MORC1: variants seen among roughly 807,000 people sequenced by gnomAD.
MORC1 encodes MORC family CW-type zinc finger 1, also known as MORC family CW-type zinc finger protein 1.
MORC1 carries 59 observed loss-of-function variants against 134.9 expected under a neutral mutation model. That is an observed-to-expected ratio of 0.44 (90% CI 0.35 to 0.54). The LOEUF (loss-of-function observed/expected upper bound fraction) is 0.54, where lower values mean the gene tolerates loss of function less well. MORC1 is among the 20% of genes least tolerant of loss of function. The pLI is 0.00. For synonymous variants in MORC1, 395 were observed against 391.7 expected (o/e 1.01, Z -0.10); for missense variants, 947 against 1,134.5 (o/e 0.83, Z 2.37).
chr3:109,000,750 T>C (rs1009717265), intron 20 of MORC1, 92 bp from the exon 21 acceptor site: 1 of 902,216 alleles, frequency 1.1e-6, no homozygotes, highest in African/African-American at 1.7e-5. Flanking sequence ...TGCCTCTACT[T>C]ACTGCAGACT....
intron 26 of MORC1, 54 bp from the exon 27 acceptor site, chr3:108,963,662 C>G: frequency 1.7e-6 from 2 of 1,147,954 alleles, no homozygotes; most frequent in Non-Finnish European, 2.4e-6. Context: ...TACTTTCCCT[C>G]TAATATCACT....
At chr3:109,115,912 G>T (rs1951262542) in intron 1 of MORC1, among the ~76,000 whole-genome samples, 1 of 152,152 alleles carries the variant, frequency 6.6e-6, no homozygotes. Context: ...TGGTGGTAGG[G>T]AAAGCACCTC....
intron 17 of MORC1, among the ~76,000 whole-genome samples, chr3:109,016,655 G>C (rs1213056813): frequency 2.0e-5 from 3 of 152,134 alleles, no homozygotes; most frequent in African/African-American, 7.2e-5. Context: ...TTGAGGTCAG[G>C]AGTTCAAGAC....
In MORC1 at chr3:109,099,164, T is replaced by C. The variant is rs146102421; in HGVS notation, c.423+194A>G. Among the ~76,000 whole-genome samples, 284 of 152,322 alleles carry C rather than the reference T, an allele frequency of 1.9e-3. 3 individuals are homozygous for C. The highest frequency in any genetic ancestry group is 6.1e-3 in the African/African-American group (252 of 41,568). ...GAGCACATGGATAATGAAAATGAAG[T>C]TCTCAGGAAAGGGTCAAGAGGACAG... On this transcript the variant is annotated intron_variant, in intron 6 of 27. Transcript: ENST00000232603.
chr3:109,027,419 A>T (rs1314908070), intron 17 of MORC1, among the ~76,000 whole-genome samples: 1 of 152,246 alleles, frequency 6.6e-6, no homozygotes, highest in Non-Finnish European at 1.5e-5. Context: ...GGAGTTACAC[A>T]AATTTGTGTT....
intron 14 of MORC1, among the ~76,000 whole-genome samples, chr3:109,036,031 T>G (rs1403950990): frequency 6.6e-6 from 1 of 152,232 alleles, no homozygotes; most frequent in Non-Finnish European, 1.5e-5. Flanking sequence ...AGAGTCGTTT[T>G]GTTCTTATTC....
chr3:109,049,121 C>T (rs1403429906), intron 14 of MORC1: 95 of 982,592 alleles, frequency 9.7e-5, no homozygotes, highest in Non-Finnish European at 1.1e-4. Flanking sequence ...ATATTTGCTT[C>T]ATCACTCGAC....
intron 23 of MORC1, among the ~76,000 whole-genome samples, chr3:108,983,717 CTG>C (rs1362757588): frequency 6.6e-6 from 1 of 152,138 alleles, no homozygotes; most frequent in Non-Finnish European, 1.5e-5. Flanking sequence ...AACAGTGACT[CTG>C]TGAATACCTG....
At chr3:108,967,017 G>A (rs1421143275) in intron 26 of MORC1, among the ~76,000 whole-genome samples, 2 of 152,176 alleles carry the variant, frequency 1.3e-5, no homozygotes, top group Admixed American at 6.6e-5. Context: ...AGTTTCTCCC[G>A]TGCTTTGATG....
intron 2 of MORC1, among the ~76,000 whole-genome samples, chr3:109,113,461 A>C (rs978937688): frequency 6.6e-6 from 1 of 152,154 alleles, no homozygotes; most frequent in African/African-American, 2.4e-5. Context: ...CTCCCATCTA[A>C]GGCAAAAAAT....
chr3:109,004,247 G>A (rs1948483863), intron 20 of MORC1, among the ~76,000 whole-genome samples: 1 of 152,134 alleles, frequency 6.6e-6, no homozygotes, highest in Non-Finnish European at 1.5e-5. Flanking sequence ...GCCTATAGCA[G>A]TTCATTTGAA....
rs1949123139 is a variant in MORC1 at position 109,027,905 on chromosome 3, G to A, written c.1566-16C>T. ...CTGATGACAACTTCAGAATCAACAAGTACAAGATTAACATCAGGAGAAATA... is the reference window on the plus strand; with the variant it reads ...CTGATGACAACTTCAGAATCAACAAATACAAGATTAACATCAGGAGAAATA... On this transcript the variant is annotated splice_polypyrimidine_tract_variant and intron_variant, in intron 16 of 27. Coordinates refer to ENST00000232603, the MANE Select transcript of MORC1 (RefSeq NM_014429.4). 5.6e-6 allele frequency: 9 copies of A among 1,611,074 alleles called. No homozygotes were observed. Among genetic ancestry groups the A allele is most frequent in the Non-Finnish European group, 7.6e-6 (9 of 1,178,460 alleles).
chr3:108,965,035 C>T (rs997981209), intron 26 of MORC1, among the ~76,000 whole-genome samples: 3 of 152,116 alleles, frequency 2.0e-5, no homozygotes, highest in Non-Finnish European at 2.9e-5. Context: ...TGCAGGCAAA[C>T]CCAGGGAGAG....
chr3:109,109,565 G>A (rs907147150), intron 3 of MORC1, among the ~76,000 whole-genome samples: 12 of 152,126 alleles, frequency 7.9e-5, no homozygotes, highest in Non-Finnish European at 1.5e-4. Flanking sequence ...ACCATACTCT[G>A]AGTCTCTCCT....
At chr3:109,021,234 G>C (rs1038461218) in intron 17 of MORC1, among the ~76,000 whole-genome samples, 1 of 152,178 alleles carries the variant, frequency 6.6e-6, no homozygotes, top group Admixed American at 6.5e-5. Flanking sequence ...ACACTAACTG[G>C]GGACTGGTTG....
At chr3:108,995,166 G>A (rs1948165542) in intron 21 of MORC1, among the ~76,000 whole-genome samples, 1 of 152,152 alleles carries the variant, frequency 6.6e-6, no homozygotes, top group African/African-American at 2.4e-5. Context: ...GTGCACAGGA[G>A]TTTGTAACTA....
At chr3:109,026,242 A>G (rs1387741281) in intron 17 of MORC1, among the ~76,000 whole-genome samples, 1 of 152,174 alleles carries the variant, frequency 6.6e-6, no homozygotes, top group Non-Finnish European at 1.5e-5. Flanking sequence ...AGGAGGATGG[A>G]GTGGATTCTT....
chr3:109,012,437 A>G (rs917594066), intron 17 of MORC1, among the ~76,000 whole-genome samples: 14 of 152,140 alleles, frequency 9.2e-5, no homozygotes, highest in African/African-American at 3.1e-4. Context: ...TGCATGCCAT[A>G]TAAATTTTAG....
intron 23 of MORC1, among the ~76,000 whole-genome samples, chr3:108,980,495 GC>G (rs1947687754): frequency 6.6e-6 from 1 of 152,080 alleles, no homozygotes; most frequent in South Asian, 2.1e-4. Context: ...TTCATGATAG[GC>G]CCCCTTTAAA....
Sources: gnomAD v4.1 joint callset for allele counts (sites outside exome capture counted in the v4.1 genomes callset) on GRCh38, gnomAD v4.1.1 for gene constraint, MANE v1.5 for transcripts, NCBI Gene and HGNC (gene_info 2026-07-23, HGNC 2026-07-21) for gene names.